PIK3C2G: variants seen among roughly 807,000 people sequenced by gnomAD.
PIK3C2G encodes phosphatidylinositol-4-phosphate 3-kinase catalytic subunit type 2 gamma, also known as phosphatidylinositol 3-kinase C2 domain-containing subunit gamma.
A neutral mutation model predicts 181.1 loss-of-function variants in PIK3C2G; 168 were observed. That is an observed-to-expected ratio of 0.93 (90% CI 0.82 to 1.05). The LOEUF is 1.05. Ranked by LOEUF, PIK3C2G falls within the 50% of genes least tolerant of loss-of-function variation. PIK3C2G has a pLI of 0.00. For synonymous variants in PIK3C2G, 573 were observed against 592.2 expected, an observed-to-expected ratio of 0.97 and a Z score of 0.47; for missense variants, 1,869 against 1,732.8, an observed-to-expected ratio of 1.08 and a Z score of -1.40.
At chr12:18,471,745 T>C (rs2135980155) in intron 18 of PIK3C2G, among the ~76,000 whole-genome samples, 1 of 152,274 alleles carries the variant, frequency 6.6e-6, no homozygotes, top group Non-Finnish European at 1.5e-5. Flanking sequence ...ATTTGATCCT[T>C]ATAATGTAAG....
At chr12:18,504,927 G>A (rs895712) in intron 23 of PIK3C2G, among the ~76,000 whole-genome samples, 30,983 of 151,884 alleles carry the variant, frequency 0.2, 3,755 homozygotes, top group African/African-American at 0.33. Context: ...ATATTGGGGC[G>A]TATTGTTCCT....
chr12:18,340,500 G>A (rs1939032625), intron 9 of PIK3C2G, among the ~76,000 whole-genome samples: 1 of 152,058 alleles, frequency 6.6e-6, no homozygotes, highest in Non-Finnish European at 1.5e-5. Context: ...GCTGAAAAAG[G>A]GCTTTCTAAT....
intron 15 of PIK3C2G, among the ~76,000 whole-genome samples, chr12:18,396,431 CT>C (rs1380837711): frequency 2.0e-5 from 3 of 151,330 alleles, no homozygotes; most frequent in Non-Finnish European, 4.4e-5. Context: ...AGAATGAATG[CT>C]TTCTCCTAAG....
chr12:18,318,769 A>G (rs1471595625), intron 6 of PIK3C2G, among the ~76,000 whole-genome samples: 1 of 151,042 alleles, frequency 6.6e-6, no homozygotes, highest in Non-Finnish European at 1.5e-5. Flanking sequence ...TTTAATCCTC[A>G]TTTCAAGAGA....
chr12:18,298,865 G>C (rs988747915), intron 5 of PIK3C2G, among the ~76,000 whole-genome samples: 3 of 151,814 alleles, frequency 2.0e-5, no homozygotes, highest in African/African-American at 7.2e-5. Flanking sequence ...ATAAATAAAT[G>C]AATTTATTTT....
chr12:18,467,114 C>T (rs920936007), intron 18 of PIK3C2G, among the ~76,000 whole-genome samples: 7 of 152,038 alleles, frequency 4.6e-5, no homozygotes, highest in East Asian at 3.9e-4. Flanking sequence ...AGGCTTGAAA[C>T]GCTCAATGAT....
chr12:18,519,971 C>G (rs1279143351), intron 24 of PIK3C2G, among the ~76,000 whole-genome samples: 1 of 137,430 alleles, frequency 7.3e-6, no homozygotes, highest in Non-Finnish European at 1.5e-5. Context: ...TCCCCCTCTC[C>G]AAGAAACACC....
Position 18,399,513 on chromosome 12 carries a change from T to C in PIK3C2G, c.2127-146T>C, listed in dbSNP as rs533519532. On this transcript the variant is annotated intron_variant, in intron 15 of 32. Transcript: ENST00000538779. Reference sequence around the variant, plus strand: ...AAACTGATGAAATAACCTATGAAAATATCCGAAGAAGGTAAAAGATGTTTT... The same window carrying C: ...AAACTGATGAAATAACCTATGAAAACATCCGAAGAAGGTAAAAGATGTTTT... 58 of 431,366 alleles carry C rather than the reference T, an allele frequency of 1.3e-4. No individual in the cohort carries two copies. The East Asian group carries it at 1.9e-3, about 14-fold the overall frequency. The allele number at this position is 431,366 out of a possible 1,614,324, so 26.7% of individuals were successfully genotyped here.
chr12:18,578,775 T>C (rs906999251), intron 29 of PIK3C2G, among the ~76,000 whole-genome samples: 2 of 152,134 alleles, frequency 1.3e-5, no homozygotes, highest in African/African-American at 4.8e-5. Context: ...ATTTTTACTA[T>C]TTTAAGTGAT....
chr12:18,244,939 A>G (rs1645199739), upstream of PIK3C2G, among the ~76,000 whole-genome samples: 1 of 152,076 alleles, frequency 6.6e-6, no homozygotes, highest in African/African-American at 2.4e-5. Context: ...TTTCAGCTTT[A>G]TAATTCTTTT....
At chr12:18,594,358 T>G (rs539870133) in intron 29 of PIK3C2G, 136 bp from the exon 30 acceptor site, 1 of 551,222 alleles carries the variant, frequency 1.8e-6, no homozygotes, top group Non-Finnish European at 3.1e-6. Context: ...ACCTTTCTAA[T>G]ATACTTTCTC....
At chr12:18,354,967 AG>A (rs1380079530) in intron 11 of PIK3C2G, among the ~76,000 whole-genome samples, 2 of 122,670 alleles carry the variant, frequency 1.6e-5, no homozygotes, top group African/African-American at 6.0e-5. Flanking sequence ...CCCATGAAGC[AG>A]GGAGGTCTTA....
chr12:18,491,108 A>G (rs547295808), intron 19 of PIK3C2G, among the ~76,000 whole-genome samples: 1 of 152,362 alleles, frequency 6.6e-6, no homozygotes, highest in South Asian at 2.1e-4. Context: ...TAATAATTAC[A>G]TAAAGCAGGG....
intron 30 of PIK3C2G, 91 bp downstream of exon 30, chr12:18,594,660 T>A: frequency 1.6e-6 from 1 of 624,260 alleles, no homozygotes; most frequent in Non-Finnish European, 2.7e-6. Flanking sequence ...ATTTTTCAAT[T>A]AAAATCTCTT....
At chr12:18,690,676 A>C in the PIK3C2G span, among the ~76,000 whole-genome samples, 177 of 152,308 alleles carry the variant, frequency 1.2e-3, no homozygotes, top group East Asian at 0.025. Flanking sequence ...AGCACAGCTA[A>C]CCTAGCCTAG....
intron 30 of PIK3C2G, among the ~76,000 whole-genome samples, chr12:18,607,853 G>GA (rs893329996): frequency 5.9e-5 from 9 of 151,874 alleles, no homozygotes; most frequent in African/African-American, 2.2e-4. Context: ...AAATTTACAA[G>GA]AAAAAAACAG....
chr12:18,489,451 C>A (rs1475179545), intron 19 of PIK3C2G, among the ~76,000 whole-genome samples: 3 of 152,014 alleles, frequency 2.0e-5, no homozygotes, highest in Non-Finnish European at 2.9e-5. Context: ...TAGTAGTAGG[C>A]AAAGTGTCCC....
intron 4 of PIK3C2G, among the ~76,000 whole-genome samples, 198 bp downstream of exon 4, chr12:18,291,210 C>T (rs4763496): frequency 0.35 from 52,702 of 151,894 alleles, 9,597 homozygotes; most frequent in Non-Finnish European, 0.41. Flanking sequence ...CAAGAAGTAT[C>T]TTCACATAGC....
intron 5 of PIK3C2G, among the ~76,000 whole-genome samples, chr12:18,307,614 T>C (rs1018724810): frequency 2.0e-5 from 3 of 151,892 alleles, no homozygotes; most frequent in Non-Finnish European, 2.9e-5. Flanking sequence ...CTACCCACCT[T>C]ATGGTCCGTG....
Sources: gnomAD v4.1 joint callset for allele counts (sites outside exome capture counted in the v4.1 genomes callset) on GRCh38, gnomAD v4.1.1 for gene constraint, MANE v1.5 for transcripts, NCBI Gene and HGNC (gene_info 2026-07-23, HGNC 2026-07-21) for gene names.